Variants in DCLK1 observed in about 807,000 individuals in gnomAD.
DCLK1 encodes the protein doublecortin like kinase 1.
Under a neutral mutation model 86.2 loss-of-function variants are expected in DCLK1, and 16 were observed. The observed-to-expected ratio is 0.19, with a 90% confidence interval of 0.13 to 0.28. The LOEUF (loss-of-function observed/expected upper bound fraction) is 0.28. DCLK1 is among the 10% of genes least tolerant of loss of function. DCLK1 has a pLI of 1.00. For missense variants in DCLK1, 590 were observed against 940.2 expected (o/e 0.63, Z 4.87); for synonymous variants, 369 against 370.5 (o/e 1.00, Z 0.05).
chr13:36,119,406 C>A (rs1482497991), intron 2 of DCLK1, among the ~76,000 whole-genome samples: 3 of 152,062 alleles, frequency 2.0e-5, no homozygotes, highest in Admixed American at 1.3e-4. Flanking sequence ...CAAGATCCAC[C>A]AATAAATGCC....
In DCLK1 at chr13:35,771,109, CATGATTT is replaced by C. The variant is rs2153096327; in HGVS notation, c.*3419_*3425del. The C allele has an allele frequency of 6.6e-6, 1 of 152,304 alleles. No homozygotes were observed. The highest frequency in any genetic ancestry group is 2.1e-4 in the South Asian group (1 of 4,830). The allele number at this position is 152,304 out of a possible 1,614,324, so 9.4% of individuals were successfully genotyped here. On this transcript the variant is annotated 3_prime_UTR_variant, in exon 17 of 17. Coordinates refer to ENST00000360631, the MANE Select transcript of DCLK1 (RefSeq NM_001330071.2). The stretch of plus-strand genomic sequence containing the variant: ...TGGACGCCCTTGGCCAGTAAACAAC[CATGATTT>C]AATGTGCTTGAGACTTGGTCATATG...
intron 15 of DCLK1, among the ~76,000 whole-genome samples, chr13:35,799,102 A>G (rs7328001): frequency 0.17 from 25,162 of 152,154 alleles, 3,194 homozygotes; most frequent in African/African-American, 0.35. Context: ...CTTGAACTTC[A>G]TTTCATGTTA....
intron 4 of DCLK1, among the ~76,000 whole-genome samples, chr13:35,910,172 G>A (rs1023835979): frequency 1.3e-5 from 2 of 152,090 alleles, no homozygotes; most frequent in Admixed American, 6.5e-5. Context: ...TCCCTTAATT[G>A]TAACCTACTT....
chr13:35,824,362 T>G (rs1402491879), intron 10 of DCLK1, among the ~76,000 whole-genome samples: 1 of 152,070 alleles, frequency 6.6e-6, no homozygotes, highest in Non-Finnish European at 1.5e-5. Flanking sequence ...ATTTTTTTTG[T>G]AGAGATGAGG....
intron 3 of DCLK1, among the ~76,000 whole-genome samples, chr13:35,995,012 G>A (rs1339179854): frequency 6.6e-6 from 1 of 152,192 alleles, no homozygotes; most frequent in African/African-American, 2.4e-5. Context: ...ATGCAGATAT[G>A]ACACAAATTC....
rs9602050 is a variant in DCLK1, at chr13:36,070,710, C to T, written c.723+41159G>A. Among the ~76,000 whole-genome samples, 517 of 151,896 alleles carry T rather than the reference C, an allele frequency of 3.4e-3. 3 individuals carry two copies. Among genetic ancestry groups the T allele is most frequent in the African/African-American group, 0.012 (487 of 41,394 alleles). On this transcript the variant is annotated intron_variant, in intron 3 of 16. Transcript: ENST00000360631. ...AGGCTGGAGTGCAATGGCGCAATCT[C>T]GGCTCACTGCAACCTCCGCCTCCTG...
chr13:35,973,948 G>A (rs1014378159), intron 3 of DCLK1, among the ~76,000 whole-genome samples: 10 of 152,048 alleles, frequency 6.6e-5, no homozygotes, highest in Non-Finnish European at 1.5e-4. Context: ...TGAGGTTTGG[G>A]GCAAAGGAGA....
At chr13:35,887,926 A>G (rs12870606) in intron 4 of DCLK1, among the ~76,000 whole-genome samples, 14,574 of 146,526 alleles carry the variant, frequency 0.099, 920 homozygotes, top group East Asian at 0.21. Context: ...CTTCAGTGGA[A>G]AGCATGTTCA....
At chr13:35,918,184 T>C (rs1875549728) in intron 4 of DCLK1, among the ~76,000 whole-genome samples, 1 of 152,218 alleles carries the variant, frequency 6.6e-6, no homozygotes, top group Non-Finnish European at 1.5e-5. Flanking sequence ...TTTTTCTTTC[T>C]AAAATGCATT....
chr13:35,918,890 G>GTTTTTTTTTTTTTTTTTTT lies in DCLK1; in HGVS notation c.823+28467_823+28468insAAAAAAAAAAAAAAAAAAA, dbSNP rs532112697. 4.9e-4 allele frequency among the ~76,000 whole-genome samples: 7 copies of GTTTTTTTTTTTTTTTTTTT among 14,216 alleles called. No individual in the cohort carries two copies. The South Asian group carries it at 7.8e-3, about 16-fold the overall frequency. The allele number at this position is 14,216 out of a possible 152,430, so 9.3% of individuals were successfully genotyped here. ...CCAAAAAGAAATCTTCCTTCTGAGT[G>GTTTTTTTTTTTTTTTTTTT]TGTTTTTTTTTTTTTTTTTGGAAAC... On this transcript the variant is annotated intron_variant, in intron 4 of 16. Transcript: ENST00000360631.
intron 3 of DCLK1, among the ~76,000 whole-genome samples, chr13:36,068,530 C>T (rs1474478556): frequency 2.0e-5 from 3 of 151,384 alleles, no homozygotes; most frequent in Admixed American, 6.6e-5. Flanking sequence ...TACTTTTAAA[C>T]GTTTTCTTTG....
chr13:35,976,294 G>T (rs1390581188), intron 3 of DCLK1, among the ~76,000 whole-genome samples: 1 of 152,058 alleles, frequency 6.6e-6, no homozygotes, highest in Non-Finnish European at 1.5e-5. Context: ...AGAGAGAGAG[G>T]TGACTTTGGA....
intron 6 of DCLK1, chr13:35,847,836 A>G: frequency 1.0e-6 from 1 of 985,268 alleles, no homozygotes; most frequent in Non-Finnish European, 1.2e-6. Context: ...TACAGATGAG[A>G]GAACCTGACA....
At chr13:35,839,526 G>T (rs911882804) in intron 6 of DCLK1, among the ~76,000 whole-genome samples, 2 of 152,070 alleles carry the variant, frequency 1.3e-5, no homozygotes, top group Admixed American at 6.6e-5. Context: ...TCGGCAAATG[G>T]CCCTCAAATG....
At chr13:35,901,531 G>C (rs1440931686) in intron 4 of DCLK1, among the ~76,000 whole-genome samples, 1 of 147,614 alleles carries the variant, frequency 6.8e-6, no homozygotes, top group Admixed American at 6.9e-5. Flanking sequence ...AGACTATGAG[G>C]ATGTGGAGGT....
chr13:36,105,522 T>C (rs989086866), intron 3 of DCLK1, among the ~76,000 whole-genome samples: 1 of 152,168 alleles, frequency 6.6e-6, no homozygotes, highest in Admixed American at 6.5e-5. Flanking sequence ...CTATTTCCAA[T>C]AGGAGGATAA....
At chr13:35,862,766 A>C (rs2153112710) in intron 5 of DCLK1, among the ~76,000 whole-genome samples, 1 of 152,278 alleles carries the variant, frequency 6.6e-6, no homozygotes, top group South Asian at 2.1e-4. Flanking sequence ...ACTGGGAGGG[A>C]ATGTCCTCCT....
rs192978840 is a variant in DCLK1 at position 35,791,208 on chromosome 13, C to G, written c.2058+2158G>C. On this transcript the variant is annotated intron_variant, in intron 16 of 16. Transcript: ENST00000360631. ...TGAATTGTGCTATAGATCTGACAGG[C>G]ATTTTTTAAGATACAGTTTTCTGAA... is the stretch of plus-strand genomic sequence containing the variant. Among the ~76,000 whole-genome samples the G allele has an allele frequency of 3.2e-3, 439 of 138,572 alleles. 1 individual carries two copies. Among genetic ancestry groups the G allele is most frequent in the African/African-American group, 0.011 (414 of 38,440 alleles). 90.9% of individuals were successfully genotyped at this position (138,572 alleles called of 152,430 possible).
chr13:36,115,590 A>G (rs1161380656), intron 2 of DCLK1, among the ~76,000 whole-genome samples: 1 of 152,024 alleles, frequency 6.6e-6, no homozygotes. Flanking sequence ...CTGATTCTTC[A>G]CTTGAAATGT....
Sources: allele counts gnomAD v4.1 joint callset (sites outside exome capture counted in the v4.1 genomes callset), GRCh38; gene constraint gnomAD v4.1.1; transcripts MANE v1.5; gene names NCBI Gene and HGNC (gene_info 2026-07-23, HGNC 2026-07-21).